The following C12orf42 variants were observed in gnomAD, a reference collection of about 807,000 sequenced individuals.
C12orf42 encodes the protein uncharacterized protein C12orf42.
In C12orf42, 25 loss-of-function variants were observed where a neutral mutation model predicts 21.6. That is an observed-to-expected ratio of 1.16 (90% CI 0.84 to 1.62). The LOEUF (loss-of-function observed/expected upper bound fraction) is 1.62, where lower values mean the gene tolerates loss of function less well. Ranked by LOEUF, C12orf42 falls within the 40% of genes most tolerant of loss-of-function variation. C12orf42 has a pLI of 0.00. For missense variants in C12orf42, 483 were observed against 459.3 expected, an observed-to-expected ratio of 1.05 and a Z score of -0.47; for synonymous variants, 174 against 175.0, an observed-to-expected ratio of 0.99 and a Z score of 0.05.
chr12:103,474,456 G>A (rs1953888896), intron 2 of C12orf42, among the ~76,000 whole-genome samples: 1 of 144,338 alleles, frequency 6.9e-6, no homozygotes. Context: ...ATGTATGTAT[G>A]TGTGTGTGTG....
intron 4 of C12orf42, among the ~76,000 whole-genome samples, chr12:103,312,881 T>G (rs749928800): frequency 6.6e-6 from 1 of 152,228 alleles, no homozygotes; most frequent in East Asian, 1.9e-4. Context: ...TCATAACAAA[T>G]GCTGATGTAT....
intron 4 of C12orf42, among the ~76,000 whole-genome samples, chr12:103,361,533 C>G (rs954093656): frequency 2.6e-5 from 4 of 152,058 alleles, no homozygotes; most frequent in Admixed American, 1.3e-4. Context: ...GGCCAGAACT[C>G]AGAGGAGGGG....
intron 10 of C12orf42, among the ~76,000 whole-genome samples, chr12:103,243,576 G>A (rs182463242): frequency 7.9e-5 from 12 of 152,012 alleles, no homozygotes; most frequent in African/African-American, 2.9e-4. Context: ...TTTCCTGAAA[G>A]GCATATTAAT....
At chr12:103,320,636 G>A (rs1028016428) in intron 4 of C12orf42, among the ~76,000 whole-genome samples, 2 of 152,080 alleles carry the variant, frequency 1.3e-5, no homozygotes, top group African/African-American at 4.8e-5. Flanking sequence ...TGACAATTGT[G>A]CTTAGAGACG....
intron 4 of C12orf42, among the ~76,000 whole-genome samples, chr12:103,331,084 C>T (rs1329358055): frequency 6.6e-6 from 1 of 152,028 alleles, no homozygotes; most frequent in Non-Finnish European, 1.5e-5. Flanking sequence ...AGGTATGTGC[C>T]AATAAACCCA....
intron 4 of C12orf42, among the ~76,000 whole-genome samples, chr12:103,285,878 G>A (rs996045291): frequency 5.3e-5 from 8 of 152,250 alleles, no homozygotes; most frequent in East Asian, 3.9e-4. Flanking sequence ...TTTTGTCTGC[G>A]TAATGCTGAA....
chr12:103,554,585 A>T, the C12orf42 span, among the ~76,000 whole-genome samples: 1 of 152,158 alleles, frequency 6.6e-6, no homozygotes, highest in African/African-American at 2.4e-5. Context: ...ACAAAAAAAA[A>T]AAAGAGGTTT....
chr12:103,310,271 C>CTG (rs1013955353), intron 4 of C12orf42, among the ~76,000 whole-genome samples: 4 of 152,072 alleles, frequency 2.6e-5, no homozygotes, highest in African/African-American at 9.7e-5. Flanking sequence ...CTCTCTCTCT[C>CTG]TCTGTGTCTC....
At chr12:103,449,361 G>A (rs1592861813) in intron 2 of C12orf42, among the ~76,000 whole-genome samples, 1 of 151,780 alleles carries the variant, frequency 6.6e-6, no homozygotes, top group South Asian at 2.1e-4. Flanking sequence ...GAGGGGTGAG[G>A]GATAAAAGAC....
the C12orf42 span, among the ~76,000 whole-genome samples, chr12:103,196,529 T>C: frequency 6.6e-6 from 1 of 152,196 alleles, no homozygotes; most frequent in Non-Finnish European, 1.5e-5. Flanking sequence ...ATACTATTAG[T>C]GGGATATTGA....
At chr12:103,109,609 A>ATATTACCATATAT in the C12orf42 span, among the ~76,000 whole-genome samples, 1 of 148,788 alleles carries the variant, frequency 6.7e-6, no homozygotes, top group Admixed American at 6.7e-5. Context: ...TAATATAATT[A>ATATTACCATATAT]AATATTATAT....
chr12:103,369,498 T>C (rs966180190), intron 3 of C12orf42, among the ~76,000 whole-genome samples: 1 of 150,884 alleles, frequency 6.6e-6, no homozygotes, highest in Non-Finnish European at 1.5e-5. Flanking sequence ...TCAGATGGAG[T>C]AGCCATGTGA....
chr12:103,524,542 C>A, the C12orf42 span, among the ~76,000 whole-genome samples: 1 of 152,350 alleles, frequency 6.6e-6, no homozygotes, highest in East Asian at 1.9e-4. Flanking sequence ...CACCAGGGAA[C>A]AAACGCAGCA....
chr12:103,306,056 A>G lies in C12orf42; in HGVS notation c.549T>C (p.Val183=). The G allele has an allele frequency of 2.5e-6, 4 of 1,613,988 alleles. No individual in the cohort carries two copies. The highest frequency in any genetic ancestry group is 3.4e-6 in the Non-Finnish European group (4 of 1,179,852). ...TGTGTATGCCCTGAGCCTCCAGGTG[A>G]ACAGGATTTACTGAGTGTGCCCAGT... ...KPNWAHSVNP[V]HLEAQGIHIS... The change falls in exon 5 of 6, where the codon GTT becomes GTC. Residue 183 remains valine (V), a synonymous_variant. Transcript: ENST00000548883.
chr12:103,394,485 G>T (rs1362317959), intron 3 of C12orf42, among the ~76,000 whole-genome samples: 1 of 152,104 alleles, frequency 6.6e-6, no homozygotes. Flanking sequence ...GCAGTCCAAG[G>T]TTACAAACCT....
At chr12:103,264,440 C>T (rs75231573), downstream of C12orf42, among the ~76,000 whole-genome samples, 2,919 of 152,244 alleles carry the variant, frequency 0.019, 124 homozygotes, top group African/African-American at 0.067. Flanking sequence ...CCAAGTAGGA[C>T]AACTTCTGAT....
the C12orf42 span, among the ~76,000 whole-genome samples, chr12:103,221,666 T>C: frequency 6.6e-6 from 1 of 152,168 alleles, no homozygotes; most frequent in Non-Finnish European, 1.5e-5. Context: ...GAGAAAGGCA[T>C]TGGTTTGGAA....
the C12orf42 span, among the ~76,000 whole-genome samples, chr12:103,145,320 C>T: frequency 0.61 from 93,192 of 151,992 alleles, 30,484 homozygotes; most frequent in East Asian, 0.86. Flanking sequence ...GTTCAGTTGC[C>T]CTTTGTCAAT....
the C12orf42 span, among the ~76,000 whole-genome samples, chr12:103,076,027 C>A: frequency 1.3e-5 from 2 of 151,932 alleles, no homozygotes; most frequent in Non-Finnish European, 2.9e-5. Context: ...TATGTGATTT[C>A]CAAAGGTCAA....
Sources: gnomAD v4.1 joint callset for allele counts (sites outside exome capture counted in the v4.1 genomes callset) on GRCh38, gnomAD v4.1.1 for gene constraint, MANE v1.5 for transcripts, NCBI Gene and HGNC (gene_info 2026-07-23, HGNC 2026-07-21) for gene names.